Variants in TNIK observed in about 807,000 individuals in gnomAD.
The protein encoded by TNIK is TRAF2 and NCK-interacting protein kinase.
A neutral mutation model predicts 191.3 loss-of-function variants in TNIK; 49 were observed. The ratio of observed to expected loss-of-function variants is 0.26; its 90% confidence interval spans 0.20 to 0.32. TNIK has a LOEUF of 0.32. TNIK is among the 10% of genes least tolerant of loss of function. TNIK has a pLI of 1.00. For synonymous variants in TNIK, 594 were observed against 600.9 expected (o/e 0.99, Z 0.17); for missense variants, 1,155 against 1,702.3 (o/e 0.68, Z 5.66).
chr3:171,237,014 C>A (rs897855347), intron 2 of TNIK, among the ~76,000 whole-genome samples: 4 of 152,148 alleles, frequency 2.6e-5, no homozygotes, highest in African/African-American at 9.7e-5. Flanking sequence ...CAATAGGAAG[C>A]CAGTCCACCC....
At chr3:171,392,909 C>G (rs1719754567) in intron 1 of TNIK, among the ~76,000 whole-genome samples, 1 of 151,872 alleles carries the variant, frequency 6.6e-6, no homozygotes, top group Non-Finnish European at 1.5e-5. Context: ...GAGTAATAAT[C>G]CTTGGTAGTA....
At chr3:171,317,082 A>G (rs750717537) in intron 2 of TNIK, among the ~76,000 whole-genome samples, 1 of 151,468 alleles carries the variant, frequency 6.6e-6, no homozygotes, top group Non-Finnish European at 1.5e-5. Flanking sequence ...TAAATAGGAT[A>G]ATATCACAGG....
intron 2 of TNIK, among the ~76,000 whole-genome samples, chr3:171,244,431 C>CA (rs1454344655): frequency 6.6e-6 from 1 of 151,942 alleles, no homozygotes; most frequent in Non-Finnish European, 1.5e-5. Flanking sequence ...CTCGTTTACT[C>CA]AAAAAAATCA....
chr3:171,455,443 A>C (rs1728682149), intron 1 of TNIK, among the ~76,000 whole-genome samples: 1 of 148,928 alleles, frequency 6.7e-6, no homozygotes, highest in Non-Finnish European at 1.5e-5. Flanking sequence ...GTCTCCCTAC[A>C]TTGCCCATGA....
At chr3:171,438,927 C>G (rs971208687) in intron 1 of TNIK, among the ~76,000 whole-genome samples, 3 of 152,168 alleles carry the variant, frequency 2.0e-5, no homozygotes, top group African/African-American at 7.2e-5. Flanking sequence ...AGTCCTATGT[C>G]CCTCCAAAAT....
At chr3:171,184,229 T>C (rs1022767745) in intron 7 of TNIK, among the ~76,000 whole-genome samples, 1 of 152,178 alleles carries the variant, frequency 6.6e-6, no homozygotes, top group African/African-American at 2.4e-5. Context: ...TTATTAATTA[T>C]GTTATATATT....
intron 12 of TNIK, among the ~76,000 whole-genome samples, chr3:171,151,792 A>G (rs1031421066): frequency 6.6e-6 from 1 of 152,198 alleles, no homozygotes; most frequent in African/African-American, 2.4e-5. Flanking sequence ...GCTGTCCTGC[A>G]CTGTGATTCT....
At chr3:171,224,201 T>C (rs1276443919) in intron 3 of TNIK, among the ~76,000 whole-genome samples, 1 of 152,218 alleles carries the variant, frequency 6.6e-6, no homozygotes, top group African/African-American at 2.4e-5. Context: ...AGGTGACTTC[T>C]CTGCATCCTG....
In TNIK at chr3:171,060,927, TCAGTTTCTC is replaced by T. The variant is rs1290980302; in HGVS notation, c.*2945_*2953del. ...GTGAAACTTACTCTGAGGGGAGGGCTCAGTTTCTCCAGTTTCTCTTTGTAGGAAAATAAA... is the reference window on the plus strand; with the variant it reads ...GTGAAACTTACTCTGAGGGGAGGGCTCAGTTTCTCTTTGTAGGAAAATAAA... On this transcript the variant is annotated 3_prime_UTR_variant, in exon 33 of 33. Coordinates refer to ENST00000436636, the MANE Select transcript of TNIK (RefSeq NM_015028.4). Among the ~76,000 whole-genome samples, 1 of 152,190 alleles carries T rather than the reference TCAGTTTCTC, an allele frequency of 6.6e-6. No individual in the cohort carries two copies. Among genetic ancestry groups the T allele is most frequent in the Non-Finnish European group, 1.5e-5 (1 of 68,036 alleles).
intron 1 of TNIK, among the ~76,000 whole-genome samples, chr3:171,415,696 A>G (rs189490883): frequency 1.5e-3 from 223 of 152,180 alleles, no homozygotes; most frequent in African/African-American, 5.2e-3. Flanking sequence ...TTAAAAAAAA[A>G]TTAGCTGGGC....
intron 11 of TNIK, among the ~76,000 whole-genome samples, chr3:171,158,845 G>C (rs1238176414): frequency 1.3e-5 from 2 of 152,158 alleles, no homozygotes; most frequent in Non-Finnish European, 2.9e-5. Context: ...GACCTCTCTG[G>C]GAAGGAAGCA....
chr3:171,084,434 G>C (rs1576762694), intron 25 of TNIK, 109 bp from the exon 26 acceptor site: 1 of 1,307,098 alleles, frequency 7.7e-7, no homozygotes. Context: ...TTATAGTAAA[G>C]GCAAGGAAAC....
chr3:171,453,441 A>G (rs1728428862), intron 1 of TNIK, among the ~76,000 whole-genome samples: 1 of 152,008 alleles, frequency 6.6e-6, no homozygotes, highest in Non-Finnish European at 1.5e-5. Context: ...TCCATGGGGG[A>G]ATGAAATTGT....
intron 1 of TNIK, among the ~76,000 whole-genome samples, chr3:171,447,233 T>C (rs1336018988): frequency 6.6e-6 from 1 of 150,838 alleles, no homozygotes; most frequent in Admixed American, 6.6e-5. Flanking sequence ...AAACATCCCC[T>C]AGATACACTC....
At chr3:171,374,055 C>A (rs1464065131) in intron 1 of TNIK, among the ~76,000 whole-genome samples, 1 of 152,174 alleles carries the variant, frequency 6.6e-6, no homozygotes, top group Admixed American at 6.5e-5. Context: ...TACATAACTG[C>A]TAGATATAAC....
At chr3:171,247,371 T>C (rs1005337687) in intron 2 of TNIK, among the ~76,000 whole-genome samples, 16 of 152,176 alleles carry the variant, frequency 1.1e-4, no homozygotes, top group South Asian at 2.1e-4. Context: ...GACATGTAGA[T>C]GGTGTTTTGG....
At chr3:171,089,027 C>T (rs796329136) in intron 23 of TNIK, among the ~76,000 whole-genome samples, 2 of 152,182 alleles carry the variant, frequency 1.3e-5, no homozygotes, top group South Asian at 4.1e-4. Context: ...CTGCACCTGC[C>T]TCTGGCTGGA....
chr3:171,107,527 C>T (rs537347407), intron 20 of TNIK, among the ~76,000 whole-genome samples: 2 of 152,320 alleles, frequency 1.3e-5, no homozygotes, highest in East Asian at 3.9e-4. Flanking sequence ...AGCCTCCATA[C>T]TCCTCTTTAA....
rs970350341 is a variant in TNIK, at chr3:171,363,882, A to G, written c.123+5738T>C. On this transcript the variant is annotated intron_variant, in intron 2 of 32. Transcript: ENST00000436636. ...ATATCAAATAAAAACACTGAAAGTC[A>G]AATCTTTGAATAAGCCAAAACAGGC... 4.6e-5 allele frequency among the ~76,000 whole-genome samples: 7 copies of G among 152,238 alleles called. No homozygotes were observed. The East Asian group carries it at 1.3e-3, about 29-fold the overall frequency.
Sources: allele counts gnomAD v4.1 joint callset (sites outside exome capture counted in the v4.1 genomes callset), GRCh38; gene constraint gnomAD v4.1.1; transcripts MANE v1.5; gene names NCBI Gene and HGNC (gene_info 2026-07-23, HGNC 2026-07-21).